Variants in CDH19 observed in about 807,000 individuals in gnomAD.
The protein encoded by CDH19 is cadherin 19, also known as cadherin-19.
A neutral mutation model predicts 64.2 loss-of-function variants in CDH19; 67 were observed. The observed-to-expected ratio is 1.04, with a 90% CI of 0.86 to 1.28. CDH19 has a LOEUF of 1.28. CDH19 is among the 50% of genes most tolerant of loss of function. CDH19 has a pLI of 0.00. For synonymous variants in CDH19, 346 were observed against 319.3 expected, an observed-to-expected ratio of 1.08 and a Z score of -0.89; for missense variants, 1,030 against 929.0, an observed-to-expected ratio of 1.11 and a Z score of -1.41.
chr18:66,601,271 T>C (rs962889171), intron 1 of CDH19, among the ~76,000 whole-genome samples: 5 of 151,832 alleles, frequency 3.3e-5, no homozygotes, highest in African/African-American at 1.2e-4. Context: ...GTCAAAAAAA[T>C]AGCGACTTCT....
chr18:66,517,343 T>C (rs985820976), intron 9 of CDH19, among the ~76,000 whole-genome samples: 1 of 152,048 alleles, frequency 6.6e-6, no homozygotes, highest in Non-Finnish European at 1.5e-5. Flanking sequence ...ATTATCGATA[T>C]TATACTTTAC....
chr18:66,508,094 C>A (rs1985289842), intron 11 of CDH19, among the ~76,000 whole-genome samples: 1 of 151,828 alleles, frequency 6.6e-6, no homozygotes, highest in Non-Finnish European at 1.5e-5. Context: ...TCACTTGCCA[C>A]AACATAGATA....
chr18:66,594,305 A>C (rs1292274296), intron 1 of CDH19, among the ~76,000 whole-genome samples: 1 of 152,150 alleles, frequency 6.6e-6, no homozygotes, highest in Non-Finnish European at 1.5e-5. Flanking sequence ...ATAACCACAC[A>C]ATCATAATTG....
intron 9 of CDH19, among the ~76,000 whole-genome samples, chr18:66,515,749 A>G (rs1489347778): frequency 6.6e-6 from 1 of 151,892 alleles, no homozygotes; most frequent in Non-Finnish European, 1.5e-5. Context: ...TTAATATTCC[A>G]AATATACTTT....
intron 5 of CDH19, among the ~76,000 whole-genome samples, chr18:66,548,396 C>T (rs1473239764): frequency 6.6e-6 from 1 of 151,050 alleles, no homozygotes; most frequent in African/African-American, 2.4e-5. Context: ...TGTAAAGCCA[C>T]GTGTCTGGAT....
intron 9 of CDH19, among the ~76,000 whole-genome samples, chr18:66,517,450 C>A (rs1985787243): frequency 6.6e-6 from 1 of 151,830 alleles, no homozygotes; most frequent in African/African-American, 2.4e-5. Flanking sequence ...GGCAAATTAC[C>A]CTGATGTCAG....
At chr18:66,564,340 G>A (rs1026819580) in intron 3 of CDH19, among the ~76,000 whole-genome samples, 2 of 151,744 alleles carry the variant, frequency 1.3e-5, no homozygotes, top group Non-Finnish European at 2.9e-5. Flanking sequence ...AAATAGTAAG[G>A]TAAACAGAGT....
In CDH19 at chr18:66,529,863, T is replaced by A. The variant is rs752782632; in HGVS notation, c.1440A>T (p.Glu480Asp). Residue 480 changes from glutamate to aspartate, a missense_variant, in exon 9 of 12, where the codon GAA becomes GAT. By Grantham distance (45) the Glu-to-Asp change is conservative. Transcript: ENST00000262150. ...FSQYYETYVC[E>D]NAGSGQVIQT... The stretch of plus-strand genomic sequence containing the variant: ...TCCTTACCTGACCAGAGCCTGCATT[T>A]TCACAAACATAAGTCTCATAGTATT... 1 of 1,594,206 alleles carries A rather than the reference T, an allele frequency of 6.3e-7. No individual in the cohort carries two copies. The highest frequency in any genetic ancestry group is 1.1e-5 in the South Asian group (1 of 88,444).
At chr18:66,546,891 A>G (rs569115127) in intron 5 of CDH19, among the ~76,000 whole-genome samples, 2 of 152,270 alleles carry the variant, frequency 1.3e-5, no homozygotes, top group Non-Finnish European at 2.9e-5. Context: ...ACAGGCAGAT[A>G]GAAACACTAA....
chr18:66,520,373 T>C (rs142210872), intron 9 of CDH19, among the ~76,000 whole-genome samples: 14 of 148,664 alleles, frequency 9.4e-5, no homozygotes, highest in African/African-American at 3.5e-4. Flanking sequence ...TTTCTGATGC[T>C]GTAGCACATC....
chr18:66,552,026 G>A (rs1987361801), intron 4 of CDH19, among the ~76,000 whole-genome samples: 1 of 151,846 alleles, frequency 6.6e-6, no homozygotes, highest in Non-Finnish European at 1.5e-5. Context: ...TGAACATAAA[G>A]ATGGAAACAA....
chr18:66,532,062 GCTCAAGCGATTCTCCTGC>G (rs1986465443), intron 8 of CDH19, among the ~76,000 whole-genome samples: 1 of 151,992 alleles, frequency 6.6e-6, no homozygotes, highest in Non-Finnish European at 1.5e-5. Context: ...CACCTCCTAG[GCTCAAGCGATTCTCCTGC>G]CTCAGCCTCC....
At chr18:66,540,648 T>G in intron 7 of CDH19, among the ~76,000 whole-genome samples, 1 of 152,206 alleles carries the variant, frequency 6.6e-6, no homozygotes, top group Non-Finnish European at 1.5e-5. Context: ...GGTTCCACTT[T>G]AAGGGCACTA....
In CDH19 at chr18:66,511,559, T is replaced by G; in HGVS notation, c.1576+9A>C. On this transcript the variant is annotated intron_variant, in intron 10 of 11. Transcript: ENST00000262150. ...TGTATCAAAACTCATTATGAGTGAA[T>G]GACATTACCTTGATTATCTATGATT... is the stretch of plus-strand genomic sequence containing the variant. 1.4e-5 allele frequency: 15 copies of G among 1,102,892 alleles called. No individual in the cohort carries two copies. Among genetic ancestry groups the G allele is most frequent in the Non-Finnish European group, 1.9e-5 (14 of 723,748 alleles). The allele number at this position is 1,102,892 out of a possible 1,614,324, so 68.3% of individuals were successfully genotyped here. A position where few individuals can be genotyped will look rare whatever the true frequency, so the allele number is the denominator to read the frequency against.
At position 66,504,075 on chromosome 18, in the gene CDH19, A is replaced by G. The variant is rs1328711077; in HGVS notation, c.*737T>C. The G allele has an allele frequency of 6.6e-6, 1 of 151,932 alleles. No homozygotes were observed. Among genetic ancestry groups the G allele is most frequent in the Non-Finnish European group, 1.5e-5 (1 of 67,916 alleles). The allele number at this position is 151,932 out of a possible 1,614,324, so 9.4% of individuals were successfully genotyped here. On this transcript the variant is annotated 3_prime_UTR_variant, in exon 12 of 12. Coordinates refer to ENST00000262150, the MANE Select transcript of CDH19 (RefSeq NM_021153.4). Reference sequence around the variant, plus strand: ...ATTCAGTGCCTTTCTCACATTAACCATTTAAAAAGGTTGAGCGTTTGCATT... The same window carrying G: ...ATTCAGTGCCTTTCTCACATTAACCGTTTAAAAAGGTTGAGCGTTTGCATT...
intron 3 of CDH19, among the ~76,000 whole-genome samples, chr18:66,564,366 T>C (rs1305401393): frequency 2.6e-5 from 4 of 151,854 alleles, no homozygotes; most frequent in Admixed American, 6.6e-5. Context: ...TCACTAGTTA[T>C]CCCCATTCAT....
At position 66,558,162 on chromosome 18, in the gene CDH19, C is replaced by CATAT. The variant is rs34063647; in HGVS notation, c.491-3642_491-3639dup. Among the ~76,000 whole-genome samples the CATAT allele has an allele frequency of 6.9e-3, 1,000 of 145,642 alleles. 10 individuals are homozygous for CATAT. The highest frequency in any genetic ancestry group is 0.022 in the African/African-American group (888 of 39,988). On this transcript the variant is annotated intron_variant, in intron 3 of 11. Coordinates refer to ENST00000262150, the MANE Select transcript of CDH19 (RefSeq NM_021153.4). The stretch of plus-strand genomic sequence containing the variant: ...TGTATCTAATCATATATCTTTATCT[C>CATAT]ATATATATATATATATAATATATAT...
chr18:66,532,555 T>C, intron 8 of CDH19: 1 of 304,532 alleles, frequency 3.3e-6, no homozygotes, highest in South Asian at 2.9e-5. Context: ...AAAAAAGCTT[T>C]GTATGTAAGT....
chr18:66,530,893 T>C (rs1986416917), intron 8 of CDH19, among the ~76,000 whole-genome samples: 1 of 152,106 alleles, frequency 6.6e-6, no homozygotes, highest in South Asian at 2.1e-4. Flanking sequence ...ATTCAGACAT[T>C]GTCAATGTGC....
Sources: gnomAD v4.1 joint callset for allele counts (sites outside exome capture counted in the v4.1 genomes callset) on GRCh38, gnomAD v4.1.1 for gene constraint, MANE v1.5 for transcripts, NCBI Gene and HGNC (gene_info 2026-07-23, HGNC 2026-07-21) for gene names.